Variants in COMMD5 observed in about 807,000 individuals in gnomAD.
COMMD5 encodes the protein COMM domain-containing protein 5.
A neutral mutation model predicts 6.9 loss-of-function variants in COMMD5; 10 were observed. The observed-to-expected ratio is 1.44, with a 90% confidence interval of 0.89 to 2.45. The LOEUF is 2.45. Ranked by LOEUF, COMMD5 falls within the 30% of genes most tolerant of loss-of-function variation. The pLI, the probability that COMMD5 is intolerant of heterozygous loss-of-function variation, is 0.00. For missense variants in COMMD5, 234 were observed against 287.8 expected (o/e 0.81, Z 1.35); for synonymous variants, 127 against 125.3 (o/e 1.01, Z -0.09).
chr8:144,851,630 C>G (rs1830751065), intron 1 of COMMD5, among the ~76,000 whole-genome samples: 2 of 151,794 alleles, frequency 1.3e-5, no homozygotes, highest in African/African-American at 4.8e-5. Flanking sequence ...CAGGAATTGG[C>G]AGAGAAGTAG....
At chr8:144,851,721 C>T (rs77247260) in intron 1 of COMMD5, among the ~76,000 whole-genome samples, 1 of 152,010 alleles carries the variant, frequency 6.6e-6, no homozygotes, top group South Asian at 2.1e-4. Flanking sequence ...GGGAACGGTC[C>T]GGGGAACACA....
chr8:144,841,031 T>G, downstream of COMMD5: 1 of 268,196 alleles, frequency 3.7e-6, no homozygotes, highest in Non-Finnish European at 7.1e-6. Context: ...TTCCCACCCT[T>G]CTGGTCTTGC....
At position 144,850,505 on chromosome 8, in the gene COMMD5, T is replaced by C. The variant is rs1178091177; in HGVS notation, c.*159A>G. On this transcript the variant is annotated 3_prime_UTR_variant, in exon 2 of 2. Transcript: ENST00000305103. The surrounding 1 kb of genome is among the most constrained non-coding windows in gnomAD (Gnocchi z 4.0). The stretch of plus-strand genomic sequence containing the variant: ...AAGAAAAAAAGGCATAGCTCTCTTT[T>C]TCAATTAAACAGAAAACTACATAAT... 1.2e-6 allele frequency: 1 copy of C among 820,176 alleles called. No individual in the cohort carries two copies. The highest frequency in any genetic ancestry group is 1.8e-6 in the Non-Finnish European group (1 of 540,884). 50.8% of individuals were successfully genotyped at this position (820,176 alleles called of 1,614,324 possible).
exon 2 of COMMD5, chr8:144,841,187 T>C: frequency 1.4e-6 from 1 of 698,240 alleles, no homozygotes; most frequent in Admixed American, 2.5e-5. Context: ...TGAAACCACT[T>C]TTGAGAACTG....
At chr8:144,842,814 C>T (rs1830122252) in intron 1 of COMMD5, 4 of 1,614,136 alleles carry the variant, frequency 2.5e-6, no homozygotes, top group Non-Finnish European at 3.4e-6. Flanking sequence ...CAACCCTTTT[C>T]CAACACCAGA....
chr8:144,851,377 CG>C lies in COMMD5; in HGVS notation c.-40del. 1 of 1,572,636 alleles carries C rather than the reference CG, an allele frequency of 6.4e-7. No individual in the cohort carries two copies. The highest frequency in any genetic ancestry group is 8.6e-7 in the Non-Finnish European group (1 of 1,156,312). On this transcript the variant is annotated 5_prime_UTR_variant, in exon 2 of 2. An upstream open reading frame in the 5' UTR loses its in-frame stop. Transcript: ENST00000305103. ...TCTTTGATCAGCCAGCCCAGGAGGT[CG>C]GTCCCAGATGCAGATGCCTAGAGTG...
intron 1 of COMMD5, among the ~76,000 whole-genome samples, chr8:144,844,694 A>G (rs1830396640): frequency 7.7e-6 from 1 of 130,330 alleles, no homozygotes; most frequent in Admixed American, 8.7e-5. Context: ...GGGTGACAAG[A>G]GTGTGACTCT....
chr8:144,844,694 A>T (rs1830396640), intron 1 of COMMD5, among the ~76,000 whole-genome samples: 1 of 130,330 alleles, frequency 7.7e-6, no homozygotes, highest in African/African-American at 2.9e-5. Flanking sequence ...GGGTGACAAG[A>T]GTGTGACTCT....
chr8:144,841,056 C>A, exon 2 of COMMD5: 1 of 328,210 alleles, frequency 3.0e-6, no homozygotes, highest in South Asian at 6.0e-5. Context: ...TCTCCTTTGC[C>A]TCTGCATGGA....
chr8:144,849,982 CT>C (rs1474579935), downstream of COMMD5, among the ~76,000 whole-genome samples: 8 of 152,078 alleles, frequency 5.3e-5, no homozygotes, highest in Admixed American at 5.2e-4. Flanking sequence ...CCAGGCGGGC[CT>C]TAAGCACGTC....
downstream of COMMD5, among the ~76,000 whole-genome samples, chr8:144,845,592 T>C (rs1327320519): frequency 6.6e-6 from 1 of 152,212 alleles, no homozygotes; most frequent in Non-Finnish European, 1.5e-5. Flanking sequence ...TCCATTTGAT[T>C]TTCTCACACA....
rs1384900633 is a variant in COMMD5, at chr8:144,851,209, C to G, written c.130G>C (p.Asp44His). 6.2e-7 allele frequency: 1 copy of G among 1,613,996 alleles called. No individual in the cohort carries two copies. The highest frequency in any genetic ancestry group is 8.5e-7 in the Non-Finnish European group (1 of 1,180,046). ...AAMARLLGDL[D>H]RSTFRKLLKF... ...AGCAACTTTCTGAACGTGCTCCTGT[C>G]TAGGTCCCCTAGTAGCCGGGCCATT... Residue 44 changes from aspartate (D) to histidine (H), a missense_variant, in exon 2 of 2, where the codon GAC becomes CAC. Coordinates refer to ENST00000305103, the MANE Select transcript of COMMD5 (RefSeq NM_014066.4).
chr8:144,843,117 T>G lies in COMMD5; in HGVS notation c.*117-1374A>C, dbSNP rs746619228. The G allele has an allele frequency of 4.3e-6, 7 of 1,610,366 alleles. No individual in the cohort carries two copies. The East Asian group carries it at 1.6e-4, about 36-fold the overall frequency. On this transcript the variant is annotated intron_variant and NMD_transcript_variant, in intron 1 of 1. Coordinates refer to the COMMD5 transcript ENST00000530332. ...ATAAATGCAATGACTGTGGCAAAGC[T>G]TTTAATCGTAGCTCAAGGCTTACCC... is the stretch of plus-strand genomic sequence containing the variant.
intron 1 of COMMD5, among the ~76,000 whole-genome samples, chr8:144,844,421 C>T (rs181586987): frequency 2.6e-4 from 40 of 152,090 alleles, no homozygotes; most frequent in African/African-American, 8.4e-4. Flanking sequence ...GAGAAAAAGA[C>T]GAAAATGGGC....
chr8:144,846,980 G>C (rs1830547322), downstream of COMMD5: 1 of 152,282 alleles, frequency 6.6e-6, no homozygotes, highest in African/African-American at 2.4e-5. Context: ...TGACAGGCGT[G>C]AGCCACCATG....
downstream of COMMD5, among the ~76,000 whole-genome samples, chr8:144,839,929 G>A (rs1563837008): frequency 6.6e-6 from 1 of 152,198 alleles, no homozygotes; most frequent in Non-Finnish European, 1.5e-5. Context: ...TGCTCTCTCT[G>A]CCGCTGCTCT....
rs561542259 is a variant in COMMD5 at position 144,844,043 on chromosome 8, T to TACCA, written c.*117-2304_*117-2301dup. 3.8e-3 allele frequency among the ~76,000 whole-genome samples: 586 copies of TACCA among 152,272 alleles called. 4 individuals are homozygous for TACCA. Among genetic ancestry groups the TACCA allele is most frequent in the African/African-American group, 0.013 (546 of 41,544 alleles). On this transcript the variant is annotated intron_variant and NMD_transcript_variant, in intron 1 of 1. Transcript: ENST00000530332. ...GTGTGGTTGGCATTTATGGAGCACA[T>TACCA]ACCAGTGCCAGGCACAGAAGCAAGG...
chr8:144,842,906 A>G, intron 1 of COMMD5: 5 of 1,614,224 alleles, frequency 3.1e-6, no homozygotes, highest in Non-Finnish European at 3.4e-6. Context: ...ATTGAACACC[A>G]GAGAATACAC....
In COMMD5 at chr8:144,844,709, C is replaced by CA. The variant is rs71320849; in HGVS notation, c.*117-2967dup. Among the ~76,000 whole-genome samples the CA allele has an allele frequency of 4.2e-3, 371 of 88,574 alleles. 23 individuals carry two copies. Among genetic ancestry groups the CA allele is most frequent in the Non-Finnish European group, 5.1e-3 (214 of 42,300 alleles). 58.1% of individuals were successfully genotyped at this position (88,574 alleles called of 152,430 possible). A position where few individuals can be genotyped will look rare whatever the true frequency, so the allele number is the denominator to read the frequency against. Reference sequence around the variant, plus strand: ...GGGTGACAAGAGTGTGACTCTGTATCAAAAAAAAAAAAAAAAAAAAAAAAA... The same window carrying CA: ...GGGTGACAAGAGTGTGACTCTGTATCAAAAAAAAAAAAAAAAAAAAAAAAAA... On this transcript the variant is annotated intron_variant and NMD_transcript_variant, in intron 1 of 1. Coordinates refer to the COMMD5 transcript ENST00000530332.
Sources: allele counts gnomAD v4.1 joint callset (sites outside exome capture counted in the v4.1 genomes callset), GRCh38; gene constraint gnomAD v4.1.1; non-coding constraint Gnocchi (gnomAD v3.1); transcripts MANE v1.5; gene names NCBI Gene and HGNC (gene_info 2026-07-23, HGNC 2026-07-21).